The following HHIP variants were observed in gnomAD, a reference collection of about 807,000 sequenced individuals.
HHIP encodes the protein hedgehog interacting protein, also known as hedgehog-interacting protein.
A neutral mutation model predicts 74.0 loss-of-function variants in HHIP; 12 were observed. The ratio of observed to expected loss-of-function variants is 0.16; its 90% CI spans 0.10 to 0.26. The LOEUF (loss-of-function observed/expected upper bound fraction) is 0.26, where lower values mean the gene tolerates loss of function less well. Among genes scored for constraint, HHIP ranks in the 10% least tolerant of loss-of-function variants. The pLI is 1.00. For synonymous variants in HHIP, 309 were observed against 311.6 expected (o/e 0.99, Z 0.09); for missense variants, 788 against 845.0 (o/e 0.93, Z 0.84).
rs1002995509 is a variant in HHIP, at chr4:144,647,595, A to C, written c.279+641A>C. Among the ~76,000 whole-genome samples the C allele has an allele frequency of 2.0e-5, 3 of 152,202 alleles. No individual in the cohort carries two copies. In the South Asian group the frequency reaches 6.2e-4, roughly 32 times the overall value. On this transcript the variant is annotated intron_variant, in intron 1 of 12. Transcript: ENST00000296575. ...TTCTCCGTCATTTTGTAACATTATA[A>C]ATTCAGACTTTCAGGGTCAGTTGGT...
chr4:144,698,628 T>C (rs1468091250), intron 4 of HHIP, among the ~76,000 whole-genome samples: 1 of 152,136 alleles, frequency 6.6e-6, no homozygotes, highest in Non-Finnish European at 1.5e-5. Flanking sequence ...TTCCGTTAAT[T>C]GGACTAAGTT....
At chr4:144,679,140 G>GT (rs369878904) in intron 4 of HHIP, among the ~76,000 whole-genome samples, 3,938 of 149,886 alleles carry the variant, frequency 0.026, 169 homozygotes, top group African/African-American at 0.09. Flanking sequence ...GGGATGATTA[G>GT]TTTTTTTTTT....
At chr4:144,665,639 C>A (rs1728839237) in intron 4 of HHIP, among the ~76,000 whole-genome samples, 1 of 152,126 alleles carries the variant, frequency 6.6e-6, no homozygotes, top group Non-Finnish European at 1.5e-5. Flanking sequence ...TTAGTTTTTG[C>A]TCCTGGTATT....
intron 1 of HHIP, chr4:144,650,545 C>T (rs1222294708): frequency 6.6e-6 from 1 of 152,054 alleles, no homozygotes; most frequent in Non-Finnish European, 1.5e-5. Flanking sequence ...CACCCAGACT[C>T]ATCTGTCTAA....
At chr4:144,717,037 G>T (rs1730473800) in intron 10 of HHIP, among the ~76,000 whole-genome samples, 1 of 151,948 alleles carries the variant, frequency 6.6e-6, no homozygotes, top group Non-Finnish European at 1.5e-5. Context: ...CCAAATGTCT[G>T]TGTACACCTA....
chr4:144,687,471 A>C (rs536158334), intron 4 of HHIP, among the ~76,000 whole-genome samples: 3 of 152,182 alleles, frequency 2.0e-5, no homozygotes, highest in Non-Finnish European at 2.9e-5. Context: ...ATCCCTGCTT[A>C]ATTTCTACCA....
chr4:144,658,495 A>T (rs1360604324), intron 2 of HHIP, among the ~76,000 whole-genome samples: 1 of 151,596 alleles, frequency 6.6e-6, no homozygotes, highest in Non-Finnish European at 1.5e-5. Context: ...CAGCCTCCCG[A>T]ATAGCTAGGA....
At position 144,647,394 on chromosome 4, in the gene HHIP, C is replaced by A. The variant is rs192190559; in HGVS notation, c.279+440C>A. Among the ~76,000 whole-genome samples the A allele has an allele frequency of 4.3e-4, 66 of 152,262 alleles. 1 individual carries two copies. Among genetic ancestry groups the A allele is most frequent in the African/African-American group, 1.5e-3 (62 of 41,562 alleles). On this transcript the variant is annotated intron_variant, in intron 1 of 12. Transcript: ENST00000296575. Reference sequence around the variant, plus strand: ...TGCTCGGTTAGGGAGAGGATTGAATCGTAAAGGATGTTGAAGCATGGTTGG... The same window carrying A: ...TGCTCGGTTAGGGAGAGGATTGAATAGTAAAGGATGTTGAAGCATGGTTGG...
chr4:144,703,564 G>A (rs575946507), intron 4 of HHIP, among the ~76,000 whole-genome samples: 5 of 152,286 alleles, frequency 3.3e-5, no homozygotes, highest in South Asian at 2.1e-4. Context: ...TCTAAAGCTG[G>A]GTTATCGGAT....
chr4:144,695,472 T>C (rs1387032662), intron 4 of HHIP, among the ~76,000 whole-genome samples: 1 of 151,808 alleles, frequency 6.6e-6, no homozygotes, highest in Non-Finnish European at 1.5e-5. Flanking sequence ...TAATTGCTAC[T>C]ATCAAAAATA....
intron 3 of HHIP, 39 bp downstream of exon 3, chr4:144,658,985 A>G: frequency 1.3e-6 from 2 of 1,523,114 alleles, no homozygotes; most frequent in Non-Finnish European, 8.9e-7. Flanking sequence ...TTTTAAAAAA[A>G]CCCAACTGAC....
intron 4 of HHIP, among the ~76,000 whole-genome samples, chr4:144,663,555 T>C (rs1728773997): frequency 1.3e-5 from 2 of 152,196 alleles, no homozygotes; most frequent in Non-Finnish European, 2.9e-5. Context: ...ATTTGCCCTG[T>C]ACCTTTTCTA....
At chr4:144,683,235 C>T (rs1270483794) in intron 4 of HHIP, among the ~76,000 whole-genome samples, 1 of 152,146 alleles carries the variant, frequency 6.6e-6, no homozygotes, top group African/African-American at 2.4e-5. Flanking sequence ...TCAGATTGAA[C>T]AGAAATAAAA....
chr4:144,695,887 G>A (rs1729804256), intron 4 of HHIP, among the ~76,000 whole-genome samples: 1 of 151,852 alleles, frequency 6.6e-6, no homozygotes, highest in South Asian at 2.1e-4. Context: ...AAATGTGCAT[G>A]TCCATGCCTG....
chr4:144,680,880 A>T (rs1729316394), intron 4 of HHIP, among the ~76,000 whole-genome samples: 1 of 152,190 alleles, frequency 6.6e-6, no homozygotes, highest in Admixed American at 6.5e-5. Context: ...TACTGTCAGG[A>T]TATTGACGCC....
chr4:144,699,684 C>A (rs1729922574), intron 4 of HHIP, among the ~76,000 whole-genome samples: 1 of 152,096 alleles, frequency 6.6e-6, no homozygotes. Context: ...AAAAAATGCA[C>A]TCCTATCACT....
At chr4:144,691,951 A>C (rs975568550) in intron 4 of HHIP, among the ~76,000 whole-genome samples, 4 of 152,122 alleles carry the variant, frequency 2.6e-5, no homozygotes, top group African/African-American at 9.7e-5. Flanking sequence ...AGGTAGAATC[A>C]TTGAATTATC....
intron 4 of HHIP, chr4:144,660,374 T>C (rs1728679651): frequency 6.5e-6 from 1 of 153,766 alleles, no homozygotes; most frequent in African/African-American, 2.4e-5. Context: ...TAATTTGAAT[T>C]CTCATTTTAA....
chr4:144,680,182 A>C (rs1043760299), intron 4 of HHIP, among the ~76,000 whole-genome samples: 1 of 152,150 alleles, frequency 6.6e-6, no homozygotes, highest in Non-Finnish European at 1.5e-5. Flanking sequence ...CAATTATATG[A>C]CATGATTTTA....
Sources: gnomAD v4.1 joint callset for allele counts (sites outside exome capture counted in the v4.1 genomes callset) on GRCh38, gnomAD v4.1.1 for gene constraint, MANE v1.5 for transcripts, NCBI Gene and HGNC (gene_info 2026-07-23, HGNC 2026-07-21) for gene names.